AKAP13: variants seen among roughly 807,000 people sequenced by gnomAD.
AKAP13 encodes A-kinase anchoring protein 13.
Under a neutral mutation model 264.5 loss-of-function variants are expected in AKAP13, and 80 were observed. That is an observed-to-expected ratio of 0.30 (90% CI 0.25 to 0.36). AKAP13 has a LOEUF of 0.36. AKAP13 is among the 10% of genes least tolerant of loss of function. The pLI, the probability that AKAP13 is intolerant of heterozygous loss-of-function variation, is 1.00. For synonymous variants in AKAP13, 1,380 were observed against 1,250.2 expected (o/e 1.10, Z -2.19); for missense variants, 3,712 against 3,435.2 (o/e 1.08, Z -2.01).
chr15:85,673,540 A>G (rs2084032905), intron 14 of AKAP13, among the ~76,000 whole-genome samples: 2 of 152,016 alleles, frequency 1.3e-5, no homozygotes, highest in South Asian at 4.1e-4. Flanking sequence ...TCAGAGAAAG[A>G]TTGTGTGGAG....
At chr15:85,660,344 C>A (rs2151533485) in intron 12 of AKAP13, among the ~76,000 whole-genome samples, 2 of 92,794 alleles carry the variant, frequency 2.2e-5, no homozygotes, top group Non-Finnish European at 3.8e-5. Flanking sequence ...CAGAGTGAAT[C>A]TAAGTCTCAA....
At chr15:85,649,386 T>C (rs2082702168) in intron 10 of AKAP13, among the ~76,000 whole-genome samples, 1 of 152,246 alleles carries the variant, frequency 6.6e-6, no homozygotes, top group African/African-American at 2.4e-5. Flanking sequence ...AGATAGGCCA[T>C]CAGCTGCTTC....
chr15:85,566,260 C>T (rs1252615702), intron 5 of AKAP13, among the ~76,000 whole-genome samples: 2 of 152,180 alleles, frequency 1.3e-5, no homozygotes, highest in Non-Finnish European at 2.9e-5. Flanking sequence ...CTTAGTGGTA[C>T]ATAAGATGAT....
rs77687018 is a variant in AKAP13, at chr15:85,680,051, G to A, written c.5102-2107G>A. On this transcript the variant is annotated intron_variant, in intron 14 of 36. Transcript: ENST00000394518. ...ATTCTCCTAGTACTCAATCACATAT[G>A]TGTTCAGTCTTTAATTTATTCCACA... Among the ~76,000 whole-genome samples, 16 of 152,302 alleles carry A rather than the reference G, an allele frequency of 1.1e-4. No individual in the cohort carries two copies. In the East Asian group the frequency reaches 2.9e-3, roughly 27 times the overall value.
intron 35 of AKAP13, among the ~76,000 whole-genome samples, chr15:85,742,639 T>A (rs1454393288): frequency 6.6e-6 from 1 of 152,260 alleles, no homozygotes; most frequent in African/African-American, 2.4e-5. Flanking sequence ...ATTGGAAGGC[T>A]TTTGGTTATT....
chr15:85,424,109 T>C (rs564772658), intron 1 of AKAP13, among the ~76,000 whole-genome samples: 64 of 152,348 alleles, frequency 4.2e-4, no homozygotes, highest in African/African-American at 1.4e-3. Context: ...TAAGTGAGCA[T>C]TGGCTTCAAC....
chr15:85,581,690 G>T lies in AKAP13; in HGVS notation c.3622G>T (p.Ala1208Ser). 6.2e-7 allele frequency: 1 copy of T among 1,614,100 alleles called. No homozygotes were observed. The highest frequency in any genetic ancestry group is 1.1e-5 in the South Asian group (1 of 91,080). ...DMELSAHDDG[A>S]PAGVREVMRA... is the part of the protein sequence containing the mutation. ...GGAGCTCTCAGCCCATGATGATGGG[G>T]CCCCAGCTGGTGTGAGGGAAGTCAT... Residue 1208 changes from alanine to serine, a missense_variant, in exon 7 of 37, where the codon GCC (alanine) becomes TCC (serine). Ala to Ser is a moderately conservative substitution (Grantham distance 99, BLOSUM62 1). Transcript: ENST00000394518.
intron 8 of AKAP13, among the ~76,000 whole-genome samples, chr15:85,606,114 T>TTTTTTG (rs1596687944): frequency 7.0e-6 from 1 of 142,594 alleles, no homozygotes; most frequent in African/African-American, 2.7e-5. Flanking sequence ...TTTTTTTTTT[T>TTTTTTG]TTGTTGAGAT....
chr15:85,412,579 G>T (rs1008446920), intron 1 of AKAP13, among the ~76,000 whole-genome samples: 2 of 152,112 alleles, frequency 1.3e-5, no homozygotes, highest in African/African-American at 4.8e-5. Flanking sequence ...AAATTTTTCA[G>T]TTTTAATTTC....
At chr15:85,610,062 C>T (rs1348912794) in intron 8 of AKAP13, among the ~76,000 whole-genome samples, 2 of 152,166 alleles carry the variant, frequency 1.3e-5, no homozygotes, top group Non-Finnish European at 2.9e-5. Context: ...CAGGGCAACT[C>T]ACCTAAAACA....
At chr15:85,648,129 A>G (rs1448531520) in intron 10 of AKAP13, among the ~76,000 whole-genome samples, 2 of 152,236 alleles carry the variant, frequency 1.3e-5, no homozygotes, top group African/African-American at 2.4e-5. Flanking sequence ...CATTCTGAAG[A>G]TATGTGTCGC....
chr15:85,530,953 C>T (rs1471795532), intron 3 of AKAP13, among the ~76,000 whole-genome samples: 1 of 152,174 alleles, frequency 6.6e-6, no homozygotes, highest in East Asian at 1.9e-4. Flanking sequence ...TGGCTCATGG[C>T]AACCTCTGCC....
chr15:85,555,145 C>G (rs1280929916), intron 5 of AKAP13, among the ~76,000 whole-genome samples: 1 of 152,086 alleles, frequency 6.6e-6, no homozygotes, highest in Non-Finnish European at 1.5e-5. Context: ...AGCGAGTTCC[C>G]TACGGATAGC....
At position 85,579,014 on chromosome 15, in the gene AKAP13, C is replaced by G; in HGVS notation, c.946C>G (p.Gln316Glu). The G allele has an allele frequency of 6.2e-7, 1 of 1,614,058 alleles. No individual in the cohort carries two copies. The highest frequency in any genetic ancestry group is 8.5e-7 in the Non-Finnish European group (1 of 1,180,024). Residue 316 changes from glutamine (Q) to glutamate (E), a missense_variant, in exon 7 of 37, where the codon CAG (glutamine) becomes GAG (glutamate). By Grantham distance (29) the Gln-to-Glu change is conservative. This residue lies in a region of AKAP13 where 2,759 missense variants were observed against 2,411.7 expected (regional missense o/e 1.14). Coordinates refer to ENST00000394518, the MANE Select transcript of AKAP13 (RefSeq NM_007200.5). ...TTCCAGTGCCCCAGAGACAGATGGC[C>G]AGTTTCTTCCCTGTGCACCGGAGCC... ...DPSSAPETDG[Q>E]FLPCAPEPTD...
chr15:85,531,104 G>C (rs912919251), intron 3 of AKAP13, among the ~76,000 whole-genome samples: 1 of 152,092 alleles, frequency 6.6e-6, no homozygotes, highest in Admixed American at 6.6e-5. Flanking sequence ...CAAGTGATCT[G>C]CCTGCCTCGG....
rs143073069 is a variant in AKAP13, at chr15:85,726,435, C to T, written c.6771C>T (p.Asp2257=). The change falls in exon 27 of 37, where the codon GAC becomes GAT. Residue 2257 remains aspartate (D), a synonymous_variant. Transcript: ENST00000394518. ...AGGTTCAAGCAGTTCTTCTCACTGA[C>T]ATTTTAGTTTTCCTTCAAGAAAAAG... ...LKEVQAVLLT[D]ILVFLQEKDQ... is the part of the protein sequence containing the mutation. 8 of 1,613,720 alleles carry T rather than the reference C, an allele frequency of 5.0e-6. No homozygotes were observed. The highest frequency in any genetic ancestry group is 3.3e-5 in the Admixed American group (2 of 59,968).
intron 7 of AKAP13, among the ~76,000 whole-genome samples, chr15:85,584,732 C>G (rs2079268824): frequency 6.6e-6 from 1 of 152,154 alleles, no homozygotes; most frequent in Non-Finnish European, 1.5e-5. Context: ...AGAATAAAAT[C>G]TTAATATAAT....
chr15:85,729,351 G>A (rs1459660954), intron 29 of AKAP13, among the ~76,000 whole-genome samples: 1 of 152,154 alleles, frequency 6.6e-6, no homozygotes, highest in Non-Finnish European at 1.5e-5. Context: ...GTAGGACAGA[G>A]TAAGGAGACA....
chr15:85,433,531 G>A (rs781200098), intron 1 of AKAP13, among the ~76,000 whole-genome samples: 3 of 152,114 alleles, frequency 2.0e-5, no homozygotes, highest in African/African-American at 4.8e-5. Flanking sequence ...TGCCTAGTCA[G>A]TCCACAAACT....
Sources: gnomAD v4.1 joint callset for allele counts (sites outside exome capture counted in the v4.1 genomes callset) on GRCh38, gnomAD v4.1.1 for gene constraint, gnomAD v4.1.1 regional missense constraint, MANE v1.5 for transcripts, NCBI Gene and HGNC (gene_info 2026-07-23, HGNC 2026-07-21) for gene names.